The following IQCJ variants were observed in gnomAD, a reference collection of about 807,000 sequenced individuals.
IQCJ encodes the protein IQ domain-containing protein J.
A neutral mutation model predicts 11.0 loss-of-function variants in IQCJ; 9 were observed. The observed-to-expected ratio is 0.82, with a 90% CI of 0.49 to 1.43. The LOEUF is 1.43. Ranked by LOEUF, IQCJ falls within the 40% of genes most tolerant of loss-of-function variation. The pLI is 0.00. For synonymous variants in IQCJ, 55 were observed against 51.3 expected (o/e 1.07, Z -0.31); for missense variants, 146 against 133.2 (o/e 1.10, Z -0.47).
At chr3:159,215,933 A>G (rs1329383330) in intron 1 of IQCJ, among the ~76,000 whole-genome samples, 2 of 152,038 alleles carry the variant, frequency 1.3e-5, no homozygotes, top group Non-Finnish European at 2.9e-5. Context: ...ACCACTGTAC[A>G]CCCAGGGCCT....
chr3:159,199,142 C>T (rs1015738459), intron 1 of IQCJ, among the ~76,000 whole-genome samples: 12 of 152,144 alleles, frequency 7.9e-5, no homozygotes, highest in African/African-American at 2.7e-4. Flanking sequence ...ATACCTTAAT[C>T]TTCCCAGGAA....
intron 1 of IQCJ, among the ~76,000 whole-genome samples, chr3:159,148,438 G>A (rs1304302838): frequency 6.6e-6 from 1 of 152,188 alleles, no homozygotes; most frequent in African/African-American, 2.4e-5. Context: ...AGGATTTCCT[G>A]TTGTCAGTTC....
chr3:159,160,932 G>T (rs143375336), intron 1 of IQCJ, among the ~76,000 whole-genome samples: 4,514 of 152,184 alleles, frequency 0.03, 209 homozygotes, highest in African/African-American at 0.1. Context: ...AGTCTATCAT[G>T]GTTGGACATT....
chr3:159,264,492 T>A (rs1273201467), downstream of IQCJ, among the ~76,000 whole-genome samples: 1 of 152,198 alleles, frequency 6.6e-6, no homozygotes, highest in African/African-American at 2.4e-5. Context: ...CCCAGAAATT[T>A]GTTCTCCCAT....
Position 159,181,878 on chromosome 3 carries a change from G to T in IQCJ, c.10-63965G>T, listed in dbSNP as rs111736744. On this transcript the variant is annotated intron_variant, in intron 1 of 3. Transcript: ENST00000397832. Reference sequence around the variant, plus strand: ...GTTCCTTACTTGTGCTTGGTCCATTGTCATGCAGCCACTAGAGTGAACAAT... The same window carrying T: ...GTTCCTTACTTGTGCTTGGTCCATTTTCATGCAGCCACTAGAGTGAACAAT... 5.6e-3 allele frequency among the ~76,000 whole-genome samples: 855 copies of T among 151,698 alleles called. 2 individuals are homozygous for T. Among genetic ancestry groups the T allele is most frequent in the Non-Finnish European group, 7.5e-3 (512 of 68,000 alleles).
chr3:159,076,987 A>G (rs1405072666), intron 1 of IQCJ, among the ~76,000 whole-genome samples: 1 of 152,134 alleles, frequency 6.6e-6, no homozygotes, highest in African/African-American at 2.4e-5. Context: ...CTGGCATGCA[A>G]TAGACACTCC....
At chr3:159,090,759 G>T (rs1270009687) in intron 1 of IQCJ, among the ~76,000 whole-genome samples, 1 of 151,806 alleles carries the variant, frequency 6.6e-6, no homozygotes, top group African/African-American at 2.4e-5. Flanking sequence ...GGCAGAGCTG[G>T]GACTCACAGC....
At chr3:159,111,473 G>C (rs1379812146) in intron 1 of IQCJ, among the ~76,000 whole-genome samples, 1 of 152,178 alleles carries the variant, frequency 6.6e-6, no homozygotes. Flanking sequence ...GGTTACATGT[G>C]TGTTCTGGGA....
intron 1 of IQCJ, among the ~76,000 whole-genome samples, chr3:159,203,375 A>G (rs1029561863): frequency 2.0e-5 from 3 of 151,372 alleles, no homozygotes; most frequent in African/African-American, 7.3e-5. Context: ...AATTTACAGC[A>G]GTAATGGGGG....
intron 1 of IQCJ, among the ~76,000 whole-genome samples, chr3:159,147,455 G>A (rs547048757): frequency 2.3e-3 from 351 of 152,264 alleles, no homozygotes; most frequent in Non-Finnish European, 4.0e-3. Flanking sequence ...TGAGACCTCT[G>A]AAGAATAAAT....
intron 1 of IQCJ, among the ~76,000 whole-genome samples, chr3:159,230,400 A>G (rs545021638): frequency 9.2e-5 from 14 of 152,332 alleles, no homozygotes; most frequent in South Asian, 6.2e-4. Context: ...TCTATTGGAT[A>G]TTCCTCTTAA....
At chr3:159,162,370 T>C (rs1446398354) in intron 1 of IQCJ, among the ~76,000 whole-genome samples, 1 of 152,192 alleles carries the variant, frequency 6.6e-6, no homozygotes, top group Non-Finnish European at 1.5e-5. Context: ...GTGATTTTTG[T>C]ACATTGATTT....
At chr3:159,190,121 G>C (rs996330862) in intron 1 of IQCJ, among the ~76,000 whole-genome samples, 1 of 152,148 alleles carries the variant, frequency 6.6e-6, no homozygotes, top group African/African-American at 2.4e-5. Context: ...ATACGTGGCT[G>C]GCCCTAAGTA....
intron 1 of IQCJ, among the ~76,000 whole-genome samples, chr3:159,172,970 A>G (rs1415217520): frequency 6.6e-6 from 1 of 152,178 alleles, no homozygotes; most frequent in Non-Finnish European, 1.5e-5. Flanking sequence ...ACAATATATA[A>G]CAGATCAAAT....
chr3:159,088,687 C>G (rs1716990383), intron 1 of IQCJ, among the ~76,000 whole-genome samples: 2 of 151,990 alleles, frequency 1.3e-5, no homozygotes, highest in Non-Finnish European at 2.9e-5. Flanking sequence ...CCTTCTTTGT[C>G]TCTTTTGATC....
At chr3:159,259,301 G>A (rs1728074006) in intron 3 of IQCJ, among the ~76,000 whole-genome samples, 1 of 152,192 alleles carries the variant, frequency 6.6e-6, no homozygotes, top group African/African-American at 2.4e-5. Context: ...TTTGTCATCT[G>A]TTTAGAAGTA....
intron 1 of IQCJ, among the ~76,000 whole-genome samples, chr3:159,221,829 A>G (rs1725567675): frequency 6.6e-6 from 1 of 152,142 alleles, no homozygotes; most frequent in South Asian, 2.1e-4. Context: ...ATAAAAAAAA[A>G]AAAAGAAAGA....
At chr3:159,090,218 C>A (rs771817827) in intron 1 of IQCJ, among the ~76,000 whole-genome samples, 7 of 151,618 alleles carry the variant, frequency 4.6e-5, no homozygotes, top group Non-Finnish European at 1.0e-4. Flanking sequence ...GGGTGCCTCC[C>A]GGTTAGGCTG....
intron 1 of IQCJ, among the ~76,000 whole-genome samples, chr3:159,144,084 C>G (rs1192387237): frequency 6.6e-6 from 1 of 152,090 alleles, no homozygotes; most frequent in Non-Finnish European, 1.5e-5. Context: ...TCCAAAAGGA[C>G]CTGTTTGTTA....
Sources: allele counts gnomAD v4.1 joint callset (sites outside exome capture counted in the v4.1 genomes callset), GRCh38; gene constraint gnomAD v4.1.1; transcripts MANE v1.5; gene names NCBI Gene and HGNC (gene_info 2026-07-23, HGNC 2026-07-21).